The following RHEB variants were observed in gnomAD, a reference collection of about 807,000 sequenced individuals.
The protein encoded by RHEB is Ras homolog, mTORC1 binding, also known as GTP-binding protein Rheb.
In RHEB, 2 loss-of-function variants were observed where a neutral mutation model predicts 28.8. The ratio of observed to expected loss-of-function variants is 0.07; its 90% CI spans 0.03 to 0.22. The LOEUF (loss-of-function observed/expected upper bound fraction) is 0.22, where lower values mean the gene tolerates loss of function less well. Among genes scored for constraint, RHEB ranks in the 10% least tolerant of loss-of-function variants. The pLI, the probability that RHEB is intolerant of heterozygous loss-of-function variation, is 1.00. For missense variants in RHEB, 76 were observed against 219.9 expected, an observed-to-expected ratio of 0.35 and a Z score of 4.14; for synonymous variants, 69 against 77.3, an observed-to-expected ratio of 0.89 and a Z score of 0.56.
chr7:151,512,765 A>T (rs1017815495), intron 1 of RHEB, among the ~76,000 whole-genome samples: 5 of 152,200 alleles, frequency 3.3e-5, no homozygotes, highest in Admixed American at 6.5e-5. Flanking sequence ...AGCTTACAAC[A>T]GTTTAATGGT....
At chr7:151,502,408 T>A (rs868149435) in intron 1 of RHEB, 9 of 799,856 alleles carry the variant, frequency 1.1e-5, no homozygotes, top group African/African-American at 8.4e-5. Context: ...TGGGAGCCAT[T>A]ACATCTATAC....
At chr7:151,484,376 G>C (rs910949459) in intron 3 of RHEB, among the ~76,000 whole-genome samples, 22 of 152,094 alleles carry the variant, frequency 1.4e-4, no homozygotes, top group African/African-American at 5.3e-4. Context: ...TTCTAAAGCA[G>C]AAAAACAAGT....
At chr7:151,493,046 TTGGTCAGGC>T (rs1158755672) in intron 1 of RHEB, among the ~76,000 whole-genome samples, 1 of 152,056 alleles carries the variant, frequency 6.6e-6, no homozygotes, top group Non-Finnish European at 1.5e-5. Context: ...TTTCACCACA[TTGGTCAGGC>T]TGGTCTCGAA....
chr7:151,479,441 G>A (rs1424989634), intron 3 of RHEB, among the ~76,000 whole-genome samples: 1 of 152,164 alleles, frequency 6.6e-6, no homozygotes, highest in Non-Finnish European at 1.5e-5. Context: ...CCAGCACTTT[G>A]GGAGGCCAAG....
In RHEB at chr7:151,495,165, T is replaced by TA. The variant is rs558120571; in HGVS notation, c.53-4152dup. On this transcript the variant is annotated intron_variant, in intron 1 of 7. Coordinates refer to ENST00000262187, the MANE Select transcript of RHEB (RefSeq NM_005614.4). ...GCAAATTCAGGTCTGGAAACACTGT[T>TA]ACTCGCTTGCTGAAGATAATCTCAC... Among the ~76,000 whole-genome samples, 4 of 152,348 alleles carry TA rather than the reference T, an allele frequency of 2.6e-5. No homozygotes were observed. The East Asian group carries it at 7.7e-4, about 29-fold the overall frequency.
intron 7 of RHEB, among the ~76,000 whole-genome samples, chr7:151,467,996 C>T (rs558526996): frequency 1.3e-5 from 2 of 152,262 alleles, no homozygotes; most frequent in South Asian, 4.1e-4. Context: ...ACCAGGACAA[C>T]AGGCCTGAGC....
Position 151,467,082 on chromosome 7 carries a change from G to A in RHEB, c.*37C>T, listed in dbSNP as rs1485293000. 1.8e-5 allele frequency: 26 copies of A among 1,455,416 alleles called. 1 individual carries two copies. The highest frequency in any genetic ancestry group is 2.4e-5 in the Non-Finnish European group (25 of 1,035,728). The allele number at this position is 1,455,416 out of a possible 1,614,324, so 90.2% of individuals were successfully genotyped here. Reference sequence around the variant, plus strand: ...AACGGGCAGTTTGCTTCTTCAGGTAGAATATATTCCCAGTGTCCTCAGGCT... The same window carrying A: ...AACGGGCAGTTTGCTTCTTCAGGTAAAATATATTCCCAGTGTCCTCAGGCT... On this transcript the variant is annotated 3_prime_UTR_variant, in exon 8 of 8. Coordinates refer to ENST00000262187, the MANE Select transcript of RHEB (RefSeq NM_005614.4).
chr7:151,518,656 G>T (rs1255040151), intron 1 of RHEB, among the ~76,000 whole-genome samples: 2 of 152,086 alleles, frequency 1.3e-5, no homozygotes, highest in Non-Finnish European at 2.9e-5. Flanking sequence ...GCAATAAGGC[G>T]ACTGCTAGGA....
intron 1 of RHEB, among the ~76,000 whole-genome samples, chr7:151,503,777 T>A (rs576801417): frequency 1.8e-3 from 98 of 54,074 alleles, no homozygotes; most frequent in South Asian, 3.5e-3. Context: ...AAAAAAAAAA[T>A]TTTTTTAAGC....
At chr7:151,491,094 C>A in intron 1 of RHEB, 80 bp from the exon 2 acceptor site, 1 of 940,742 alleles carries the variant, frequency 1.1e-6, no homozygotes, top group East Asian at 2.5e-5. Context: ...ATTAAAAAAC[C>A]ATTAATAGAT....
chr7:151,477,265 A>C (rs1015740173), intron 4 of RHEB, 68 bp downstream of exon 4: 7 of 897,020 alleles, frequency 7.8e-6, no homozygotes, highest in Non-Finnish European at 1.3e-5. Flanking sequence ...ATTCCAGCAC[A>C]GTCCCTTAAA....
At chr7:151,491,464 C>T (rs1466842578) in intron 1 of RHEB, among the ~76,000 whole-genome samples, 1 of 152,166 alleles carries the variant, frequency 6.6e-6, no homozygotes, top group Non-Finnish European at 1.5e-5. Flanking sequence ...GGCCAGGCAC[C>T]ATGGCTCACG....
At chr7:151,517,198 G>C (rs1327468053) in intron 1 of RHEB, among the ~76,000 whole-genome samples, 1 of 151,968 alleles carries the variant, frequency 6.6e-6, no homozygotes, top group Admixed American at 6.6e-5. Context: ...GGTGAAACCC[G>C]TCTCTACTAA....
chr7:151,487,321 T>G (rs188148606), intron 2 of RHEB, among the ~76,000 whole-genome samples: 119 of 152,124 alleles, frequency 7.8e-4, no homozygotes, highest in African/African-American at 2.5e-3. Flanking sequence ...AAATAAATTA[T>G]AAAATAAAGC....
chr7:151,508,634 GTT>G (rs35707066), intron 1 of RHEB, among the ~76,000 whole-genome samples: 14 of 142,848 alleles, frequency 9.8e-5, no homozygotes, highest in African/African-American at 3.4e-4. Flanking sequence ...TATATTTTTA[GTT>G]TTTTTTTTTT....
intron 1 of RHEB, among the ~76,000 whole-genome samples, chr7:151,492,345 T>C (rs1313530522): frequency 6.6e-6 from 1 of 152,176 alleles, no homozygotes; most frequent in East Asian, 1.9e-4. Flanking sequence ...CCGGGTGTGG[T>C]GGCTCATGCT....
chr7:151,471,067 G>T (rs1208403599), intron 6 of RHEB, among the ~76,000 whole-genome samples: 4 of 152,252 alleles, frequency 2.6e-5, no homozygotes, highest in Non-Finnish European at 5.9e-5. Flanking sequence ...CTGGGCAGGG[G>T]ACATCTGCCT....
intron 1 of RHEB, among the ~76,000 whole-genome samples, chr7:151,504,540 T>A (rs1180098667): frequency 3.3e-5 from 5 of 152,192 alleles, no homozygotes. Context: ...AATTCCTGCC[T>A]ATAAGTGGGC....
intron 7 of RHEB, among the ~76,000 whole-genome samples, chr7:151,469,766 T>C (rs1740773697): frequency 6.6e-6 from 1 of 152,082 alleles, no homozygotes; most frequent in African/African-American, 2.4e-5. Flanking sequence ...CAGTTTGATG[T>C]GATGGAAAGT....
Sources: allele counts gnomAD v4.1 joint callset (sites outside exome capture counted in the v4.1 genomes callset), GRCh38; gene constraint gnomAD v4.1.1; transcripts MANE v1.5; gene names NCBI Gene and HGNC (gene_info 2026-07-23, HGNC 2026-07-21).